CMSS1: variants seen among roughly 807,000 people sequenced by gnomAD.
CMSS1 encodes the protein protein CMSS1.
CMSS1 carries 33 observed loss-of-function variants against 43.5 expected under a neutral mutation model. The observed-to-expected ratio is 0.76, with a 90% CI of 0.57 to 1.01. The LOEUF (loss-of-function observed/expected upper bound fraction) is 1.01. CMSS1 is among the 50% of genes least tolerant of loss of function. The pLI is 0.00. For missense variants in CMSS1, 313 were observed against 326.4 expected (o/e 0.96, Z 0.32); for synonymous variants, 115 against 117.2 (o/e 0.98, Z 0.12).
intron 1 of CMSS1, among the ~76,000 whole-genome samples, chr3:100,049,642 T>C (rs1223161666): frequency 2.0e-5 from 3 of 152,220 alleles, no homozygotes; most frequent in African/African-American, 7.2e-5. Context: ...ACTTCTGCCA[T>C]TCCTGAGACA....
chr3:99,872,269 C>CTGTG (rs55727823), intron 1 of CMSS1, among the ~76,000 whole-genome samples: 7,630 of 110,734 alleles, frequency 0.069, 297 homozygotes, highest in East Asian at 0.11. Context: ...TGTGCCAGGA[C>CTGTG]TGTGTGTGTG....
intron 1 of CMSS1, among the ~76,000 whole-genome samples, chr3:99,870,631 C>T (rs1388243824): frequency 1.3e-5 from 2 of 152,160 alleles, no homozygotes; most frequent in Non-Finnish European, 2.9e-5. Flanking sequence ...GTTTTCATGC[C>T]TTGTGCTTAG....
chr3:100,150,985 T>C (rs1177080980), intron 2 of CMSS1, among the ~76,000 whole-genome samples: 1 of 152,208 alleles, frequency 6.6e-6, no homozygotes, highest in African/African-American at 2.4e-5. Flanking sequence ...TTTCTTCTGC[T>C]GGCCTTTGTT....
chr3:99,840,262 C>T (rs921252071), intron 1 of CMSS1, among the ~76,000 whole-genome samples: 7 of 117,598 alleles, frequency 6.0e-5, no homozygotes, highest in Admixed American at 1.1e-4. Context: ...CTTGCTCTGT[C>T]GCCCAGGCTG....
chr3:100,010,214 A>G (rs1352290824), intron 1 of CMSS1: 1 of 742,196 alleles, frequency 1.3e-6, no homozygotes, highest in Non-Finnish European at 1.6e-6. Context: ...AATGATGTAA[A>G]CTGTCATTTT....
intron 1 of CMSS1, among the ~76,000 whole-genome samples, chr3:99,872,738 C>T (rs1230474500): frequency 6.6e-6 from 1 of 152,160 alleles, no homozygotes; most frequent in African/African-American, 2.4e-5. Flanking sequence ...ATTAAAACTG[C>T]TGCTGTCCTA....
At chr3:99,823,713 T>G (rs991954960) in intron 1 of CMSS1, among the ~76,000 whole-genome samples, 1 of 152,148 alleles carries the variant, frequency 6.6e-6, no homozygotes, top group African/African-American at 2.4e-5. Context: ...GCTTTTTCCC[T>G]GGCACATAGA....
At chr3:100,047,261 C>T (rs1023445494) in intron 1 of CMSS1, among the ~76,000 whole-genome samples, 2 of 152,112 alleles carry the variant, frequency 1.3e-5, no homozygotes, top group Non-Finnish European at 2.9e-5. Flanking sequence ...AACAATATAT[C>T]TTTAAACATT....
intron 1 of CMSS1, chr3:99,848,954 G>A: frequency 1.2e-6 from 2 of 1,614,116 alleles, no homozygotes; most frequent in East Asian, 2.2e-5. Flanking sequence ...ACATGGTCTG[G>A]AGTAACCTTT....
chr3:100,035,953 C>T (rs1481763537), intron 1 of CMSS1, among the ~76,000 whole-genome samples: 1 of 152,140 alleles, frequency 6.6e-6, no homozygotes, highest in Non-Finnish European at 1.5e-5. Flanking sequence ...ATGAATGAGA[C>T]ATAGTCCTTA....
chr3:100,058,371 T>A (rs1452464493), intron 1 of CMSS1, among the ~76,000 whole-genome samples: 2 of 152,218 alleles, frequency 1.3e-5, no homozygotes, highest in Admixed American at 6.5e-5. Context: ...GATTTTCCAT[T>A]GTCATTCTTT....
In CMSS1 at chr3:99,858,070, C is replaced by A. The variant is rs78246883; in HGVS notation, c.64+40027C>A. On this transcript the variant is annotated intron_variant, in intron 1 of 9. Transcript: ENST00000421999. ...GTTCGTAACCTTTTAGGTCTCATGA[C>A]CCCTTTACACTCAAAAAATTTTGAG... Among the ~76,000 whole-genome samples, 102 of 152,234 alleles carry A rather than the reference C, an allele frequency of 6.7e-4. 1 individual carries two copies. Among genetic ancestry groups the A allele is most frequent in the East Asian group, 5.8e-3 (30 of 5,176 alleles).
intron 1 of CMSS1, among the ~76,000 whole-genome samples, chr3:99,938,972 TATCTTTTTTCTCCCATTTTC>T (rs1201770759): frequency 1.3e-5 from 2 of 152,224 alleles, no homozygotes; most frequent in African/African-American, 4.8e-5. Context: ...TGGCCTCCGT[TATCTTTTTTCTCCCATTTTC>T]AGTAAAAATC....
chr3:99,885,842 G>C (rs1205185858), intron 1 of CMSS1, among the ~76,000 whole-genome samples: 1 of 152,102 alleles, frequency 6.6e-6, no homozygotes, highest in East Asian at 1.9e-4. Context: ...ACAACAACAA[G>C]AAATGAAGAA....
chr3:99,868,349 G>A (rs761311962), intron 1 of CMSS1, among the ~76,000 whole-genome samples: 27 of 152,176 alleles, frequency 1.8e-4, no homozygotes, highest in Non-Finnish European at 3.5e-4. Context: ...CCACTTCACA[G>A]CTGGGTGTCT....
At chr3:100,073,626 C>T (rs1203889569) in intron 1 of CMSS1, among the ~76,000 whole-genome samples, 1 of 152,122 alleles carries the variant, frequency 6.6e-6, no homozygotes, top group Non-Finnish European at 1.5e-5. Flanking sequence ...GTTAGAGCTC[C>T]TCAAAGAAGG....
At chr3:99,935,436 G>A (rs537707331) in intron 1 of CMSS1, among the ~76,000 whole-genome samples, 1 of 152,266 alleles carries the variant, frequency 6.6e-6, no homozygotes, top group Non-Finnish European at 1.5e-5. Flanking sequence ...ACCCTAGAAC[G>A]ATAACCTTCA....
At chr3:100,014,519 G>A (rs1710261437) in intron 1 of CMSS1, among the ~76,000 whole-genome samples, 1 of 152,044 alleles carries the variant, frequency 6.6e-6, no homozygotes, top group Non-Finnish European at 1.5e-5. Context: ...TTGTCTGTTT[G>A]ATAATAACCA....
At chr3:99,992,966 T>G (rs950317361) in intron 1 of CMSS1, among the ~76,000 whole-genome samples, 4 of 152,102 alleles carry the variant, frequency 2.6e-5, no homozygotes, top group African/African-American at 9.7e-5. Context: ...CAAAGATCAC[T>G]TGGTTGTAGG....
Sources: gnomAD v4.1 joint callset for allele counts (sites outside exome capture counted in the v4.1 genomes callset) on GRCh38, gnomAD v4.1.1 for gene constraint, MANE v1.5 for transcripts, NCBI Gene and HGNC (gene_info 2026-07-23, HGNC 2026-07-21) for gene names.